The following ACSF3 variants were observed in gnomAD, a reference collection of about 807,000 sequenced individuals.
The protein encoded by ACSF3 is acyl-CoA synthetase family member 3, also known as malonate--CoA ligase ACSF3, mitochondrial.
Under a neutral mutation model 53.2 loss-of-function variants are expected in ACSF3, and 78 were observed. The ratio of observed to expected loss-of-function variants is 1.47; its 90% CI spans 1.22 to 1.77. The LOEUF is 1.77. ACSF3 is among the 40% of genes most tolerant of loss of function. ACSF3 has a pLI of 0.00. For missense variants in ACSF3, 937 were observed against 771.1 expected, an observed-to-expected ratio of 1.22 and a Z score of -2.55; for synonymous variants, 414 against 333.1, an observed-to-expected ratio of 1.24 and a Z score of -2.65.
chr16:89,136,771 G>A lies in ACSF3; in HGVS notation c.1366+3509G>A, dbSNP rs916973441. 5.4e-6 allele frequency: 7 copies of A among 1,287,284 alleles called. No homozygotes were observed. The Admixed American group carries it at 1.6e-4, about 30-fold the overall frequency. 79.7% of individuals were successfully genotyped at this position (1,287,284 alleles called of 1,614,324 possible). A position where few individuals can be genotyped will look rare whatever the true frequency, so the allele number is the denominator to read the frequency against. Reference sequence around the variant, plus strand: ...GCTTCTGCCTCAAGATCACACAGCGGGCTTGTGAGGCCAGGGGTCTCCGCT... The same window carrying A: ...GCTTCTGCCTCAAGATCACACAGCGAGCTTGTGAGGCCAGGGGTCTCCGCT... On this transcript the variant is annotated intron_variant, in intron 8 of 10. Coordinates refer to ENST00000614302, the MANE Select transcript of ACSF3 (RefSeq NM_001243279.3).
intron 7 of ACSF3, among the ~76,000 whole-genome samples, chr16:89,125,343 C>CA (rs139116506): frequency 0.15 from 20,925 of 140,258 alleles, 1,771 homozygotes; most frequent in African/African-American, 0.25. Flanking sequence ...AACTCTGTCT[C>CA]AAAAAAAAAA....
chr16:89,145,948 G>A lies in ACSF3; in HGVS notation c.1512G>A (p.Val504=), dbSNP rs1912859667. The A allele has an allele frequency of 8.7e-6, 14 of 1,606,426 alleles. No individual in the cohort carries two copies. The East Asian group carries it at 2.9e-4, about 34-fold the overall frequency. Residue 504 remains valine (V), a synonymous_variant, in exon 10 of 11, where the codon GTG becomes GTA. Coordinates refer to ENST00000614302, the MANE Select transcript of ACSF3 (RefSeq NM_001243279.3). ...TTCTTCTATCCGCAGATGTGGCTGTGATTGGAGTTCCGGATATGACATGGG... is the reference window on the plus strand; with the variant it reads ...TTCTTCTATCCGCAGATGTGGCTGTAATTGGAGTTCCGGATATGACATGGG... ...LAHPSITDVA[V]IGVPDMTWGQ...
intron 10 of ACSF3, chr16:89,151,456 C>G (rs1914068294): frequency 3.2e-6 from 1 of 310,460 alleles, no homozygotes; most frequent in Non-Finnish European, 6.3e-6. Flanking sequence ...GGACAGTGTT[C>G]CCAATGGGCA....
chr16:89,094,880 G>A (rs1380336901), intron 1 of ACSF3, among the ~76,000 whole-genome samples: 1 of 152,242 alleles, frequency 6.6e-6, no homozygotes, highest in Non-Finnish European at 1.5e-5. Context: ...AGGTGGCAGA[G>A]CAAGACACTG....
intron 8 of ACSF3, among the ~76,000 whole-genome samples, chr16:89,144,503 A>G (rs1912508790): frequency 1.3e-5 from 2 of 152,186 alleles, no homozygotes; most frequent in South Asian, 4.1e-4. Context: ...TCTCCCATCC[A>G]GAGGGGCTGG....
In ACSF3 at chr16:89,120,906, G is replaced by T; in HGVS notation, c.1232G>T (p.Gly411Val). ...YTIHAEGDER[G>V]TKVTPGFEEK... ...ATCCACGCAGAGGGAGACGAGAGGGGGACCAAGGTAAGCCACTCTGCTCTT... is the reference window on the plus strand; with the variant it reads ...ATCCACGCAGAGGGAGACGAGAGGGTGACCAAGGTAAGCCACTCTGCTCTT... Residue 411 changes from glycine to valine, a missense_variant, in exon 7 of 11, where the codon GGG becomes GTG. Physicochemically the swap from Gly to Val is moderately radical, Grantham distance 109. Transcript: ENST00000614302. 5 of 1,613,804 alleles carry T rather than the reference G, an allele frequency of 3.1e-6. No homozygotes were observed. Among genetic ancestry groups the T allele is most frequent in the Non-Finnish European group, 4.2e-6 (5 of 1,179,914 alleles).
intron 10 of ACSF3, chr16:89,152,481 G>T (rs181929933): frequency 6.6e-6 from 1 of 152,338 alleles, no homozygotes; most frequent in African/African-American, 2.4e-5. Flanking sequence ...GGTGGTATGC[G>T]CCTGTAGTCC....
intron 1 of ACSF3, among the ~76,000 whole-genome samples, chr16:89,094,687 G>C (rs1005824570): frequency 6.6e-6 from 1 of 152,190 alleles, no homozygotes; most frequent in Admixed American, 6.5e-5. Flanking sequence ...GTGGCCAGGA[G>C]TTCAAAGCCA....
chr16:89,118,994 G>A (rs1244251553), intron 6 of ACSF3, among the ~76,000 whole-genome samples: 1 of 152,154 alleles, frequency 6.6e-6, no homozygotes, highest in Non-Finnish European at 1.5e-5. Context: ...CTGGAGTGTG[G>A]GGACCCCTCC....
At position 89,155,547 on chromosome 16, in the gene ACSF3, C is replaced by T. The variant is rs1447115788; in HGVS notation, c.*1340C>T. On this transcript the variant is annotated 3_prime_UTR_variant, in exon 11 of 11. Coordinates refer to ENST00000614302, the MANE Select transcript of ACSF3 (RefSeq NM_001243279.3). ...CGGCCCTGCCCCACCCGAACTCCTG[C>T]CTCACGGTGTGGCCTTGTGCATCCC... 9 of 454,034 alleles carry T rather than the reference C, an allele frequency of 2.0e-5. No individual in the cohort carries two copies. Among genetic ancestry groups the T allele is most frequent in the Middle Eastern group, 6.8e-4 (1 of 1,466 alleles). 28.1% of individuals were successfully genotyped at this position (454,034 alleles called of 1,614,324 possible). A position where few individuals can be genotyped will look rare whatever the true frequency, so the allele number is the denominator to read the frequency against.
chr16:89,112,980 C>A (rs1904321830), intron 5 of ACSF3, among the ~76,000 whole-genome samples: 1 of 152,136 alleles, frequency 6.6e-6, no homozygotes, highest in South Asian at 2.1e-4. Flanking sequence ...ACAAGCTGGT[C>A]TTTTGGGCCA....
rs142633119 is a variant in ACSF3 at position 89,154,179 on chromosome 16, C to T, written c.1703C>T (p.Ala568Val). The change falls in exon 11 of 11, where the codon GCG (alanine) becomes GTG (valine). Residue 568 changes from alanine to valine, a missense_variant. Ala to Val is a moderately conservative substitution (Grantham distance 64, BLOSUM62 0). Coordinates refer to ENST00000614302, the MANE Select transcript of ACSF3 (RefSeq NM_001243279.3). The part of the protein sequence containing the change: ...RNQMGKIDKK[A>V]LIRHFHPS ...CAGATGGGCAAGATTGACAAGAAGGCGCTCATCAGGCACTTCCACCCCTCA... is the reference window on the plus strand; with the variant it reads ...CAGATGGGCAAGATTGACAAGAAGGTGCTCATCAGGCACTTCCACCCCTCA... 15 of 1,613,570 alleles carry T rather than the reference C, an allele frequency of 9.3e-6. No homozygotes were observed. In the African/African-American group the frequency reaches 1.5e-4, roughly 16 times the overall value.
intron 7 of ACSF3, among the ~76,000 whole-genome samples, chr16:89,121,572 G>A (rs1298153198): frequency 6.6e-6 from 1 of 152,222 alleles, no homozygotes; most frequent in Non-Finnish European, 1.5e-5. Context: ...ATGGGGAAAT[G>A]GAATCTTGAT....
chr16:89,136,488 C>T (rs997308325), intron 8 of ACSF3: 14 of 1,217,650 alleles, frequency 1.1e-5, no homozygotes, highest in East Asian at 5.8e-5. Flanking sequence ...CCGCTCCTGC[C>T]GGGAGAGCAT....
At chr16:89,105,512 C>T (rs959156902) in intron 4 of ACSF3, among the ~76,000 whole-genome samples, 13 of 152,170 alleles carry the variant, frequency 8.5e-5, no homozygotes, top group African/African-American at 3.1e-4. Context: ...TCTGGGGGCT[C>T]CTCTGACGGG....
chr16:89,093,987 C>A lies in ACSF3; in HGVS notation c.-203C>A. 4.4e-6 allele frequency: 1 copy of A among 224,736 alleles called. No individual in the cohort carries two copies. 13.9% of individuals were successfully genotyped at this position (224,736 alleles called of 1,614,324 possible). On this transcript the variant is annotated 5_prime_UTR_variant, in exon 1 of 11. Coordinates refer to ENST00000614302, the MANE Select transcript of ACSF3 (RefSeq NM_001243279.3). ...GCAGATCCTGCCCCGTGGCCGCGGC[C>A]GTCTCGTAGGTGCGGGCGGCGGGGC... is the stretch of plus-strand genomic sequence containing the variant.
intron 7 of ACSF3, among the ~76,000 whole-genome samples, 153 bp from the exon 8 acceptor site, chr16:89,132,983 G>A (rs888169555): frequency 5.3e-5 from 8 of 152,246 alleles, no homozygotes; most frequent in Admixed American, 2.6e-4. Flanking sequence ...TCAAAGCTGC[G>A]TTTTCCAAGC....
intron 8 of ACSF3, among the ~76,000 whole-genome samples, chr16:89,134,284 G>C (rs1276941685): frequency 6.6e-6 from 1 of 152,174 alleles, no homozygotes; most frequent in Non-Finnish European, 1.5e-5. Flanking sequence ...AAGTGTTATA[G>C]CTCTATTAGA....
chr16:89,137,694 C>T (rs1307396499), intron 8 of ACSF3, among the ~76,000 whole-genome samples: 4 of 151,850 alleles, frequency 2.6e-5, no homozygotes, highest in Non-Finnish European at 5.9e-5. Context: ...ACCAGGAGCT[C>T]ACAGGGAAGG....
Sources: gnomAD v4.1 joint callset for allele counts (sites outside exome capture counted in the v4.1 genomes callset) on GRCh38, gnomAD v4.1.1 for gene constraint, MANE v1.5 for transcripts, NCBI Gene and HGNC (gene_info 2026-07-23, HGNC 2026-07-21) for gene names.